The following PCDHGA6 variants were observed in gnomAD, a reference collection of about 807,000 sequenced individuals.
PCDHGA6 encodes the protein protocadherin gamma-A6.
Under a neutral mutation model 60.6 loss-of-function variants are expected in PCDHGA6, and 41 were observed. That is an observed-to-expected ratio of 0.68 (90% confidence interval 0.53 to 0.88). The LOEUF (loss-of-function observed/expected upper bound fraction) is 0.88. PCDHGA6 is among the 40% of genes least tolerant of loss of function. The pLI, the probability that PCDHGA6 is intolerant of heterozygous loss-of-function variation, is 0.00. For missense variants in PCDHGA6, 1,312 were observed against 1,203.0 expected, an observed-to-expected ratio of 1.09 and a Z score of -1.34; for synonymous variants, 594 against 524.4, an observed-to-expected ratio of 1.13 and a Z score of -1.81.
At chr5:141,420,413 A>T in intron 1 of PCDHGA6, 1 of 1,222,396 alleles carries the variant, frequency 8.2e-7, no homozygotes, top group Non-Finnish European at 1.1e-6. Context: ...GGTTATCATT[A>T]TTAAAACAAA....
Position 141,477,809 on chromosome 5 carries a change from C to A in PCDHGA6, c.2425-16998C>A. 1 of 1,614,146 alleles carries A rather than the reference C, an allele frequency of 6.2e-7. No individual in the cohort carries two copies. Among genetic ancestry groups the A allele is most frequent in the Non-Finnish European group, 8.5e-7 (1 of 1,180,040 alleles). On this transcript the variant is annotated intron_variant, in intron 1 of 3. Coordinates refer to ENST00000517434, the MANE Select transcript of PCDHGA6 (RefSeq NM_018919.3). The surrounding 1 kb of genome is among the most constrained non-coding windows in gnomAD (Gnocchi z 4.9). ...TGTCACTGATCGCAATGACAATGCC[C>A]CCCAGGTCCTATATCCTCGGCCAGG...
chr5:141,418,527 G>A, intron 1 of PCDHGA6: 2 of 1,614,018 alleles, frequency 1.2e-6, no homozygotes, highest in South Asian at 1.1e-5. Flanking sequence ...CCTCCCCGAA[G>A]CGGTACTGCT....
intron 1 of PCDHGA6, among the ~76,000 whole-genome samples, chr5:141,462,012 G>A (rs1046109009): frequency 9.9e-5 from 15 of 152,128 alleles, no homozygotes; most frequent in Admixed American, 5.9e-4. Context: ...TAATAGAGAC[G>A]GGGTTTCTTC....
chr5:141,400,281 C>G, intron 1 of PCDHGA6: 5 of 1,614,016 alleles, frequency 3.1e-6, no homozygotes, highest in Non-Finnish European at 4.2e-6. Context: ...CCAGCCCTGC[C>G]GCCTGGAGCT....
At chr5:141,383,821 G>C in intron 1 of PCDHGA6, 1 of 1,613,922 alleles carries the variant, frequency 6.2e-7, no homozygotes, top group Non-Finnish European at 8.5e-7. Flanking sequence ...AGAAGGATTA[G>C]ATTATGAAGA....
chr5:141,427,391 A>G (rs942653386), intron 1 of PCDHGA6: 3 of 459,818 alleles, frequency 6.5e-6, no homozygotes, highest in Non-Finnish European at 1.3e-5. Context: ...TGTTCAAAAC[A>G]CATGATAAAG....
chr5:141,414,946 C>T, intron 1 of PCDHGA6: 1 of 1,614,102 alleles, frequency 6.2e-7, no homozygotes, highest in East Asian at 2.2e-5. Context: ...GCCCGGCTAC[C>T]TGGTGACCAA....
chr5:141,387,851 C>T, intron 1 of PCDHGA6: 5 of 1,596,536 alleles, frequency 3.1e-6, no homozygotes, highest in Non-Finnish European at 4.3e-6. Flanking sequence ...CCGGCGTCTC[C>T]AGGCTGGTGA....
intron 1 of PCDHGA6, chr5:141,383,762 T>G (rs777698869): frequency 4.3e-6 from 7 of 1,613,846 alleles, no homozygotes; most frequent in Non-Finnish European, 5.9e-6. Context: ...ACTCCTAAAC[T>G]TCCAAAGATG....
intron 1 of PCDHGA6, among the ~76,000 whole-genome samples, chr5:141,435,011 A>G (rs2097737147): frequency 6.6e-6 from 1 of 152,126 alleles, no homozygotes; most frequent in African/African-American, 2.4e-5. Flanking sequence ...TTTATCAATG[A>G]TAATGCTCTT....
At chr5:141,398,006 A>G in intron 1 of PCDHGA6, 1 of 1,396,152 alleles carries the variant, frequency 7.2e-7, no homozygotes. Context: ...TCGGAAAAAG[A>G]ATCGTTTCCT....
chr5:141,420,492 TC>T (rs1172385190), intron 1 of PCDHGA6: 8 of 508,012 alleles, frequency 1.6e-5, no homozygotes, highest in Non-Finnish European at 1.8e-5. Flanking sequence ...ATGGGTAATC[TC>T]CGGTGACATT....
intron 1 of PCDHGA6, among the ~76,000 whole-genome samples, chr5:141,484,675 T>C (rs1179759392): frequency 6.6e-6 from 1 of 152,042 alleles, no homozygotes; most frequent in African/African-American, 2.4e-5. Context: ...GGGCCGCAGG[T>C]TGCTAGGGCT....
At chr5:141,394,982 C>T (rs754667421) in intron 1 of PCDHGA6, 16 of 1,613,866 alleles carry the variant, frequency 9.9e-6, no homozygotes, top group Non-Finnish European at 1.3e-5. Context: ...ACAAGTCACG[C>T]CTGCTCCAGG....
rs563057370 is a variant in PCDHGA6 at position 141,491,297 on chromosome 5, A to G, written c.2425-3510A>G. 1.2e-6 allele frequency: 2 copies of G among 1,614,106 alleles called. No homozygotes were observed. Among genetic ancestry groups the G allele is most frequent in the African/African-American group, 2.7e-5 (2 of 75,038 alleles). On this transcript the variant is annotated intron_variant, in intron 1 of 3. Transcript: ENST00000517434. This position sits in a 1 kb window ranked among gnomAD's most constrained non-coding sequence, Gnocchi z 6.9. The stretch of plus-strand genomic sequence containing the variant: ...AGTGACTTCCTCATACACCCTCCTG[A>G]GCGTTCAGACCTTACCCTTTACCTC...
intron 1 of PCDHGA6, chr5:141,419,601 C>T (rs753678898): frequency 6.2e-7 from 1 of 1,611,818 alleles, no homozygotes; most frequent in South Asian, 1.1e-5. Context: ...GTGCCGCGGG[C>T]CGCGCAGCCA....
rs1456184444 is a variant in PCDHGA6, at chr5:141,512,578, C to T, written c.*1405C>T. On this transcript the variant is annotated 3_prime_UTR_variant, in exon 4 of 4. Coordinates refer to ENST00000517434, the MANE Select transcript of PCDHGA6 (RefSeq NM_018919.3). ...ATAGACCTTCTTCTCCCACCCCCTT[C>T]TGCCCCTGGGTCCCCGGCCATCCAG... is the stretch of plus-strand genomic sequence containing the variant. 1 of 152,944 alleles carries T rather than the reference C, an allele frequency of 6.5e-6. No homozygotes were observed. The highest frequency in any genetic ancestry group is 1.5e-5 in the Non-Finnish European group (1 of 68,542). 9.5% of individuals were successfully genotyped at this position (152,944 alleles called of 1,614,324 possible). A position where few individuals can be genotyped will look rare whatever the true frequency, so the allele number is the denominator to read the frequency against.
At chr5:141,376,572 A>C (rs776986338) in intron 1 of PCDHGA6, 65 bp downstream of exon 1, 1 of 1,600,622 alleles carries the variant, frequency 6.2e-7, no homozygotes, top group South Asian at 1.1e-5. Context: ...CTAATCAGAC[A>C]GGCTCATCAG....
At chr5:141,415,597 A>G (rs1206125540) in intron 1 of PCDHGA6, 2 of 1,613,800 alleles carry the variant, frequency 1.2e-6, no homozygotes, top group South Asian at 1.1e-5. Flanking sequence ...TATAGAGGAT[A>G]CCCCATTGGT....
Sources: gnomAD v4.1 joint callset for allele counts (sites outside exome capture counted in the v4.1 genomes callset) on GRCh38, gnomAD v4.1.1 for gene constraint, Gnocchi (gnomAD v3.1) non-coding constraint, MANE v1.5 for transcripts, NCBI Gene and HGNC (gene_info 2026-07-23, HGNC 2026-07-21) for gene names.